Variants in ADGRB3 observed in about 807,000 individuals in gnomAD.
The protein encoded by ADGRB3 is brain-specific angiogenesis inhibitor 3.
ADGRB3 carries 37 observed loss-of-function variants against 193.4 expected under a neutral mutation model. The ratio of observed to expected loss-of-function variants is 0.19; its 90% CI spans 0.15 to 0.25. ADGRB3 has a LOEUF of 0.25. Among genes scored for constraint, ADGRB3 ranks in the 10% least tolerant of loss-of-function variants. ADGRB3 has a pLI of 1.00. For synonymous variants in ADGRB3, 690 were observed against 644.2 expected, an observed-to-expected ratio of 1.07 and a Z score of -1.08; for missense variants, 1,637 against 1,852.9, an observed-to-expected ratio of 0.88 and a Z score of 2.14.
chr6:69,311,931 G>A (rs1273387719), intron 20 of ADGRB3, among the ~76,000 whole-genome samples: 1 of 151,784 alleles, frequency 6.6e-6, no homozygotes, highest in Non-Finnish European at 1.5e-5. Flanking sequence ...TTAATTTTAA[G>A]ATACTGATAA....
intron 3 of ADGRB3, among the ~76,000 whole-genome samples, chr6:68,741,635 A>G (rs1765984499): frequency 6.6e-6 from 1 of 151,932 alleles, no homozygotes; most frequent in Non-Finnish European, 1.5e-5. Context: ...TGATCCTCCC[A>G]CCTCACCCTC....
At chr6:69,130,954 G>A (rs1384225447) in intron 17 of ADGRB3, among the ~76,000 whole-genome samples, 6 of 151,870 alleles carry the variant, frequency 4.0e-5, no homozygotes, top group Non-Finnish European at 7.4e-5. Context: ...AAGACATAGG[G>A]GTTTTTGCTA....
In ADGRB3 at chr6:69,389,113, G is replaced by A. The variant is rs183299378; in HGVS notation, c.*222G>A. ...CCATCCTGTGTTGTAAGTACCCGTG[G>A]AATGGATTTGTAAGGTAATCTTTAT... is the stretch of plus-strand genomic sequence containing the variant. On this transcript the variant is annotated 3_prime_UTR_variant, in exon 32 of 32. Coordinates refer to ENST00000370598, the MANE Select transcript of ADGRB3 (RefSeq NM_001704.3). 502 of 384,296 alleles carry A rather than the reference G, an allele frequency of 1.3e-3. 5 individuals are homozygous for A. The highest frequency in any genetic ancestry group is 9.1e-4 in the Non-Finnish European group (195 of 214,464). 23.8% of individuals were successfully genotyped at this position (384,296 alleles called of 1,614,324 possible). A position where few individuals can be genotyped will look rare whatever the true frequency, so the allele number is the denominator to read the frequency against.
intron 3 of ADGRB3, among the ~76,000 whole-genome samples, chr6:68,897,806 A>T (rs1391568474): frequency 6.8e-6 from 1 of 147,546 alleles, no homozygotes; most frequent in Admixed American, 6.7e-5. Context: ...AGAAACAGAA[A>T]GAAAGAAGAA....
chr6:68,861,454 C>T lies in ADGRB3; in HGVS notation c.758-69105C>T, dbSNP rs189238979. 3.0e-3 allele frequency among the ~76,000 whole-genome samples: 461 copies of T among 151,922 alleles called. 2 individuals are homozygous for T. The highest frequency in any genetic ancestry group is 4.9e-3 in the Non-Finnish European group (334 of 67,946). Reference sequence around the variant, plus strand: ...GCGGGCACCTGTAGTCCCAGCTGCTCGGGAGGTGGAGGCAGGAGAATGGCG... The same window carrying T: ...GCGGGCACCTGTAGTCCCAGCTGCTTGGGAGGTGGAGGCAGGAGAATGGCG... On this transcript the variant is annotated intron_variant, in intron 3 of 31. Transcript: ENST00000370598.
chr6:69,316,782 A>G (rs1013439077), intron 20 of ADGRB3, among the ~76,000 whole-genome samples: 5 of 151,668 alleles, frequency 3.3e-5, no homozygotes, highest in Middle Eastern at 6.8e-3. Flanking sequence ...AGTGTGGCTT[A>G]ATCTTTCAAG....
At chr6:69,248,223 A>G (rs768035319) in intron 20 of ADGRB3, among the ~76,000 whole-genome samples, 4 of 152,216 alleles carry the variant, frequency 2.6e-5, no homozygotes, top group Admixed American at 6.5e-5. Context: ...GCTAATGTCA[A>G]TAGAAGAATC....
chr6:69,124,820 A>T (rs1412703145), intron 17 of ADGRB3, among the ~76,000 whole-genome samples: 1 of 151,578 alleles, frequency 6.6e-6, no homozygotes, highest in Non-Finnish European at 1.5e-5. Flanking sequence ...CACCAAATTA[A>T]TTTTTTTTCT....
chr6:69,297,843 A>G (rs1190704630), intron 20 of ADGRB3, among the ~76,000 whole-genome samples: 3 of 152,070 alleles, frequency 2.0e-5, no homozygotes, highest in Non-Finnish European at 4.4e-5. Flanking sequence ...TTACATTTTT[A>G]CATAGCTCAT....
chr6:69,058,925 T>C (rs1441055337), intron 15 of ADGRB3, among the ~76,000 whole-genome samples: 3 of 152,146 alleles, frequency 2.0e-5, no homozygotes, highest in African/African-American at 7.2e-5. Flanking sequence ...TCTGCTGTTG[T>C]TGTATGGAGT....
rs911322597 is a variant in ADGRB3, at chr6:69,293,337, C to G, written c.2815-31535C>G. Among the ~76,000 whole-genome samples, 5 of 151,962 alleles carry G rather than the reference C, an allele frequency of 3.3e-5. No homozygotes were observed. In the South Asian group the frequency reaches 8.3e-4, roughly 25 times the overall value. On this transcript the variant is annotated intron_variant, in intron 20 of 31. Transcript: ENST00000370598. ...GGTAGAGGTTCTTATTTCCTAGACC[C>G]GAGGCTTGGCTACTCATTACCTTAG...
intron 6 of ADGRB3, among the ~76,000 whole-genome samples, chr6:68,951,584 T>C (rs984180900): frequency 6.6e-6 from 1 of 152,106 alleles, no homozygotes; most frequent in Non-Finnish European, 1.5e-5. Flanking sequence ...TCTATAAATC[T>C]TTACTCCTGT....
At chr6:69,191,321 A>T (rs1233455544) in intron 17 of ADGRB3, among the ~76,000 whole-genome samples, 1 of 152,126 alleles carries the variant, frequency 6.6e-6, no homozygotes, top group Non-Finnish European at 1.5e-5. Flanking sequence ...ATACAAAAGG[A>T]TTTATTTCTA....
At chr6:69,198,311 G>A (rs1765342966) in intron 17 of ADGRB3, among the ~76,000 whole-genome samples, 1 of 152,038 alleles carries the variant, frequency 6.6e-6, no homozygotes, top group Non-Finnish European at 1.5e-5. Flanking sequence ...GCTGTGCAGG[G>A]TGATGGTAAT....
At chr6:69,066,909 A>G (rs972709823) in intron 16 of ADGRB3, among the ~76,000 whole-genome samples, 37 of 152,138 alleles carry the variant, frequency 2.4e-4, no homozygotes, top group African/African-American at 8.0e-4. Flanking sequence ...GTAGACAAAC[A>G]CATATGCTAT....
chr6:69,265,522 A>G (rs976938125), intron 20 of ADGRB3, among the ~76,000 whole-genome samples: 1 of 151,908 alleles, frequency 6.6e-6, no homozygotes, highest in African/African-American at 2.4e-5. Context: ...AAATCTCTCA[A>G]TTTGATTAGA....
At chr6:68,739,925 G>A (rs145525445) in intron 3 of ADGRB3, among the ~76,000 whole-genome samples, 1 of 151,880 alleles carries the variant, frequency 6.6e-6, no homozygotes, top group African/African-American at 2.4e-5. Flanking sequence ...TATTAGTATC[G>A]AAAGGTTGTA....
intron 3 of ADGRB3, among the ~76,000 whole-genome samples, chr6:68,920,671 G>A (rs951256734): frequency 6.6e-6 from 1 of 151,870 alleles, no homozygotes; most frequent in African/African-American, 2.4e-5. Context: ...AATTTCTAAG[G>A]CTTGCCAGAC....
rs189731726 is a variant in ADGRB3 at position 68,705,906 on chromosome 6, T to G, written c.757+66474T>G. On this transcript the variant is annotated intron_variant, in intron 3 of 31. Coordinates refer to ENST00000370598, the MANE Select transcript of ADGRB3 (RefSeq NM_001704.3). ...GGAAACATCAGGGGTGAGGAGTGATTCTGGCTAACCCAGCTTGACAGGATT... is the reference window on the plus strand; with the variant it reads ...GGAAACATCAGGGGTGAGGAGTGATGCTGGCTAACCCAGCTTGACAGGATT... 2.0e-5 allele frequency among the ~76,000 whole-genome samples: 3 copies of G among 152,270 alleles called. No individual in the cohort carries two copies. In the East Asian group the frequency reaches 5.8e-4, roughly 29 times the overall value.
Sources: allele counts gnomAD v4.1 joint callset (sites outside exome capture counted in the v4.1 genomes callset), GRCh38; gene constraint gnomAD v4.1.1; transcripts MANE v1.5; gene names NCBI Gene and HGNC (gene_info 2026-07-23, HGNC 2026-07-21).